GNRHR: variants seen among roughly 807,000 people sequenced by gnomAD.
The protein encoded by GNRHR is gonadotropin-releasing hormone receptor.
In GNRHR, 14 loss-of-function variants were observed where a neutral mutation model predicts 28.1. The observed-to-expected ratio is 0.50, with a 90% CI of 0.33 to 0.78. The LOEUF (loss-of-function observed/expected upper bound fraction) is 0.78, where lower values mean the gene tolerates loss of function less well. GNRHR is among the 30% of genes least tolerant of loss of function. The probability of loss-of-function intolerance (pLI) is 0.02; values close to 1 mark genes in which losing one functional copy is unlikely to be tolerated. For missense variants in GNRHR, 366 were observed against 382.1 expected (o/e 0.96, Z 0.35); for synonymous variants, 141 against 140.5 (o/e 1.00, Z -0.02).
Position 67,753,714 on chromosome 4 carries a change from T to TA in GNRHR, c.522+99dup, listed in dbSNP as rs1731911799. 10 of 1,039,282 alleles carry TA rather than the reference T, an allele frequency of 9.6e-6. No individual in the cohort carries two copies. The Admixed American group carries it at 2.0e-4, about 21-fold the overall frequency. 64.4% of individuals were successfully genotyped at this position (1,039,282 alleles called of 1,614,324 possible). ...CTCTGACTTCCAGAACCCAAGCTCTTAAAGGTAATACAGTACTTCCTTTGA... is the reference window on the plus strand; with the variant it reads ...CTCTGACTTCCAGAACCCAAGCTCTTAAAAGGTAATACAGTACTTCCTTTGA... On this transcript the variant is annotated intron_variant, in intron 1 of 2. Transcript: ENST00000226413.
intron 1 of GNRHR, among the ~76,000 whole-genome samples, chr4:67,747,865 A>C (rs1163529413): frequency 6.6e-6 from 1 of 152,170 alleles, no homozygotes; most frequent in East Asian, 1.9e-4. Context: ...AAGATAGACC[A>C]ATAAATTTTA....
intron 2 of GNRHR, among the ~76,000 whole-genome samples, chr4:67,743,893 A>C (rs112460066): frequency 1.3e-5 from 2 of 152,316 alleles, no homozygotes; most frequent in East Asian, 1.9e-4. Flanking sequence ...TATTCATGCT[A>C]TAATAATTAA....
Position 67,740,393 on chromosome 4 carries a change from A to T in GNRHR, c.*87T>A. 1.0e-6 allele frequency: 1 copy of T among 1,002,466 alleles called. No homozygotes were observed. The highest frequency in any genetic ancestry group is 2.4e-5 in the East Asian group (1 of 42,086). 62.1% of individuals were successfully genotyped at this position (1,002,466 alleles called of 1,614,324 possible). The stretch of plus-strand genomic sequence containing the variant: ...AATCCTACTTTGTTTGTATGTAAAC[A>T]TGCTCCAACATTTGTGTTAATCATT... On this transcript the variant is annotated 3_prime_UTR_variant, in exon 3 of 3. Transcript: ENST00000226413.
chr4:67,752,848 G>A (rs1018518925), intron 1 of GNRHR, among the ~76,000 whole-genome samples: 5 of 151,838 alleles, frequency 3.3e-5, no homozygotes, highest in Non-Finnish European at 7.4e-5. Context: ...GTAAAAAAAA[G>A]TCTAGATAAA....
chr4:67,742,521 G>A (rs1192866705), intron 2 of GNRHR, among the ~76,000 whole-genome samples: 1 of 152,118 alleles, frequency 6.6e-6, no homozygotes, highest in East Asian at 1.9e-4. Flanking sequence ...AAAGTTCATA[G>A]GTTACACTTG....
chr4:67,751,887 T>A (rs1279738379), intron 1 of GNRHR, among the ~76,000 whole-genome samples: 1 of 152,186 alleles, frequency 6.6e-6, no homozygotes, highest in Non-Finnish European at 1.5e-5. Flanking sequence ...TCTCATAGCC[T>A]GCCTTCCCTC....
Position 67,744,604 on chromosome 4 carries a change from A to G in GNRHR, c.706T>C (p.Phe236Leu). 1 of 1,612,180 alleles carries G rather than the reference A, an allele frequency of 6.2e-7. No individual in the cohort carries two copies. The highest frequency in any genetic ancestry group is 1.3e-5 in the African/African-American group (1 of 75,022). ...IMLICNAKII[F>L]TLTRVLHQDP... ...TGATGAAGGACCCGTGTCAGGGTGA[A>G]GATGATTTTTGCATTGCAGATCAGC... Residue 236 changes from phenylalanine (F) to leucine (L), a missense_variant, in exon 2 of 3, where the codon TTC (phenylalanine) becomes CTC (leucine). Phe to Leu is a conservative substitution (Grantham distance 22). Coordinates refer to ENST00000226413, the MANE Select transcript of GNRHR (RefSeq NM_000406.3).
At position 67,737,370 on chromosome 4, in the gene GNRHR, T is replaced by A. The variant is rs1731566425; in HGVS notation, c.*3110A>T. On this transcript the variant is annotated 3_prime_UTR_variant, in exon 3 of 3. Coordinates refer to ENST00000226413, the MANE Select transcript of GNRHR (RefSeq NM_000406.3). ...AAATGATAAGCAAGATTATATTGAA[T>A]CTGATTTTTTTTCTTTTAAAATTTC... 6.6e-6 allele frequency among the ~76,000 whole-genome samples: 1 copy of A among 152,164 alleles called. No individual in the cohort carries two copies. The highest frequency in any genetic ancestry group is 2.1e-4 in the South Asian group (1 of 4,828).
chr4:67,740,792 G>A lies in GNRHR; in HGVS notation c.743-68C>T, dbSNP rs1163067690. On this transcript the variant is annotated intron_variant, in intron 2 of 2. Transcript: ENST00000226413. ...CTTACAAAACCAAAGTGGACAAAAA[G>A]GAAGACAGCATCACTAATTCAACTT... is the stretch of plus-strand genomic sequence containing the variant. 3.6e-6 allele frequency: 4 copies of A among 1,113,110 alleles called. No homozygotes were observed. In the East Asian group the frequency reaches 9.4e-5, roughly 26 times the overall value. 69.0% of individuals were successfully genotyped at this position (1,113,110 alleles called of 1,614,324 possible). A position where few individuals can be genotyped will look rare whatever the true frequency, so the allele number is the denominator to read the frequency against.
intron 1 of GNRHR, among the ~76,000 whole-genome samples, chr4:67,750,429 A>G (rs1443633029): frequency 3.3e-5 from 5 of 152,200 alleles, no homozygotes; most frequent in African/African-American, 1.2e-4. Context: ...TAACAGACAC[A>G]TAATAATTGT....
rs1017038022 is a variant in GNRHR at position 67,740,469 on chromosome 4, T to C, written c.*11A>G. ...ACCCTTCTTCATATGACTTCTTGTGTAGTCTATCAATCACAGAGAAAAATA... is the reference window on the plus strand; with the variant it reads ...ACCCTTCTTCATATGACTTCTTGTGCAGTCTATCAATCACAGAGAAAAATA... On this transcript the variant is annotated 3_prime_UTR_variant, in exon 3 of 3. Transcript: ENST00000226413. 2 of 1,586,002 alleles carry C rather than the reference T, an allele frequency of 1.3e-6. No individual in the cohort carries two copies. Among genetic ancestry groups the C allele is most frequent in the Admixed American group, 1.7e-5 (1 of 59,970 alleles).
intron 1 of GNRHR, among the ~76,000 whole-genome samples, chr4:67,749,451 G>A (rs1186278616): frequency 1.3e-5 from 2 of 152,086 alleles, no homozygotes; most frequent in African/African-American, 4.8e-5. Flanking sequence ...AATTCTTGTG[G>A]TATTAAATGA....
Position 67,739,074 on chromosome 4 carries a change from T to C in GNRHR, c.*1406A>G, listed in dbSNP as rs920591267. Among the ~76,000 whole-genome samples, 34 of 151,996 alleles carry C rather than the reference T, an allele frequency of 2.2e-4. No homozygotes were observed. Among genetic ancestry groups the C allele is most frequent in the Admixed American group, 6.6e-4 (10 of 15,246 alleles). ...TGGCAGTACATAGCTCATATAAATATAATGGTATCTTACCTATTTAAAAAA... is the reference window on the plus strand; with the variant it reads ...TGGCAGTACATAGCTCATATAAATACAATGGTATCTTACCTATTTAAAAAA... On this transcript the variant is annotated 3_prime_UTR_variant, in exon 3 of 3. Transcript: ENST00000226413.
At chr4:67,748,590 T>C (rs1731805702) in intron 1 of GNRHR, among the ~76,000 whole-genome samples, 1 of 152,072 alleles carries the variant, frequency 6.6e-6, no homozygotes, top group African/African-American at 2.4e-5. Flanking sequence ...CAGTGTTCAC[T>C]GGGCAGAGTT....
Position 67,737,496 on chromosome 4 carries a change from G to A in GNRHR, c.*2984C>T, listed in dbSNP as rs1301500150. 6.6e-6 allele frequency among the ~76,000 whole-genome samples: 1 copy of A among 151,894 alleles called. No individual in the cohort carries two copies. The highest frequency in any genetic ancestry group is 2.4e-5 in the African/African-American group (1 of 41,410). ...AGGTAAAATAGATGGAGTTCTAGAAGTATTTTAACTGCCTAAAAACATTAT... is the reference window on the plus strand; with the variant it reads ...AGGTAAAATAGATGGAGTTCTAGAAATATTTTAACTGCCTAAAAACATTAT... On this transcript the variant is annotated 3_prime_UTR_variant, in exon 3 of 3. Coordinates refer to ENST00000226413, the MANE Select transcript of GNRHR (RefSeq NM_000406.3).
chr4:67,738,409 C>A lies in GNRHR; in HGVS notation c.*2071G>T. Among the ~76,000 whole-genome samples the A allele has an allele frequency of 6.6e-6, 1 of 151,052 alleles. No individual in the cohort carries two copies. Among genetic ancestry groups the A allele is most frequent in the Non-Finnish European group, 1.5e-5 (1 of 67,652 alleles). ...TTTGCATGAAATGTAGGTTAAGAAC[C>A]CCTGAGTCAAGATTTCGAATAGCCC... On this transcript the variant is annotated 3_prime_UTR_variant, in exon 3 of 3. Transcript: ENST00000226413.
Position 67,744,674 on chromosome 4 carries a change from G to C in GNRHR, c.636C>G (p.Asn212Lys), listed in dbSNP as rs1272288737. 16 of 1,612,264 alleles carry C rather than the reference G, an allele frequency of 9.9e-6. No homozygotes were observed. Among genetic ancestry groups the C allele is most frequent in the Non-Finnish European group, 1.4e-5 (16 of 1,178,406 alleles). The part of the protein sequence containing the change: ...FSQWWHQAFY[N>K]FFTFSCLFII... The stretch of plus-strand genomic sequence containing the variant: ...TGAAGAGGCAGCTGAAGGTGAAAAA[G>C]TTATAAAATGCTTGATGCCACCATT... The change falls in exon 2 of 3, where the codon AAC (asparagine) becomes AAG (lysine). Residue 212 changes from asparagine (N) to lysine (K), a missense_variant. Coordinates refer to ENST00000226413, the MANE Select transcript of GNRHR (RefSeq NM_000406.3).
rs544007778 is a variant in GNRHR at position 67,738,904 on chromosome 4, TG to T, written c.*1575del. Among the ~76,000 whole-genome samples the T allele has an allele frequency of 9.6e-4, 146 of 151,758 alleles. No homozygotes were observed. The highest frequency in any genetic ancestry group is 1.8e-3 in the Admixed American group (28 of 15,230). On this transcript the variant is annotated 3_prime_UTR_variant, in exon 3 of 3. Coordinates refer to ENST00000226413, the MANE Select transcript of GNRHR (RefSeq NM_000406.3). ...CAGAATTGGAAAGTAAGGTAGGATA[TG>T]AAAAAAACAACAACACAACACTATA... is the stretch of plus-strand genomic sequence containing the variant.
chr4:67,751,707 A>G (rs979281137), intron 1 of GNRHR: 2 of 152,250 alleles, frequency 1.3e-5, no homozygotes, highest in African/African-American at 4.8e-5. Flanking sequence ...TCTAAGAAGA[A>G]TCAAATCGTG....
Sources: gnomAD v4.1 joint callset for allele counts (sites outside exome capture counted in the v4.1 genomes callset) on GRCh38, gnomAD v4.1.1 for gene constraint, MANE v1.5 for transcripts, NCBI Gene and HGNC (gene_info 2026-07-23, HGNC 2026-07-21) for gene names.